The following MTUS2 variants were observed in gnomAD, a reference collection of about 807,000 sequenced individuals.
The protein encoded by MTUS2 is microtubule associated scaffold protein 2.
In MTUS2, 40 loss-of-function variants were observed where a neutral mutation model predicts 114.1. The ratio of observed to expected loss-of-function variants is 0.35; its 90% CI spans 0.27 to 0.46. The LOEUF (loss-of-function observed/expected upper bound fraction) is 0.46, where lower values mean the gene tolerates loss of function less well. Ranked by LOEUF, MTUS2 falls within the 20% of genes least tolerant of loss-of-function variation. MTUS2 has a pLI of 1.00. For synonymous variants in MTUS2, 688 were observed against 672.0 expected, an observed-to-expected ratio of 1.02 and a Z score of -0.37; for missense variants, 1,679 against 1,705.4, an observed-to-expected ratio of 0.98 and a Z score of 0.27.
chr13:29,399,497 A>C (rs1354930026), intron 8 of MTUS2, among the ~76,000 whole-genome samples: 1 of 152,206 alleles, frequency 6.6e-6, no homozygotes, highest in Non-Finnish European at 1.5e-5. Context: ...AAAGATTATC[A>C]AAAATTATCA....
At chr13:29,105,600 G>T (rs1371517304) in intron 5 of MTUS2, among the ~76,000 whole-genome samples, 1 of 150,984 alleles carries the variant, frequency 6.6e-6, no homozygotes, top group Non-Finnish European at 1.5e-5. Flanking sequence ...AAATCATGGG[G>T]CAAAGAATTT....
intron 12 of MTUS2, among the ~76,000 whole-genome samples, chr13:29,495,666 T>G (rs1045398758): frequency 2.6e-5 from 4 of 151,792 alleles, no homozygotes; most frequent in Non-Finnish European, 4.4e-5. Flanking sequence ...AGGTCAGGAG[T>G]TCGAGACCAG....
intron 1 of MTUS2, among the ~76,000 whole-genome samples, chr13:28,835,935 A>G (rs538252587): frequency 6.6e-6 from 1 of 151,980 alleles, no homozygotes; most frequent in South Asian, 2.1e-4. Flanking sequence ...GCTGTTCAGC[A>G]CTGCAGTAGT....
intron 7 of MTUS2, among the ~76,000 whole-genome samples, chr13:29,327,403 T>C (rs1204865853): frequency 6.6e-6 from 1 of 152,152 alleles, no homozygotes; most frequent in Non-Finnish European, 1.5e-5. Context: ...CCTACCATTC[T>C]ACACCCCCAC....
intron 5 of MTUS2, among the ~76,000 whole-genome samples, chr13:29,169,394 A>G (rs947233726): frequency 5.9e-5 from 9 of 152,194 alleles, no homozygotes; most frequent in Admixed American, 5.9e-4. Context: ...TGTTTGGAAG[A>G]GAAAATGGTT....
At chr13:29,345,360 T>C (rs1247655789) in intron 7 of MTUS2, among the ~76,000 whole-genome samples, 4 of 152,004 alleles carry the variant, frequency 2.6e-5, no homozygotes, top group Non-Finnish European at 5.9e-5. Context: ...TTTTTAAAAT[T>C]CTTTTTTCTT....
intron 8 of MTUS2, among the ~76,000 whole-genome samples, chr13:29,383,102 T>A (rs1468371368): frequency 6.6e-6 from 1 of 152,104 alleles, no homozygotes; most frequent in Non-Finnish European, 1.5e-5. Flanking sequence ...ATGTATTTAA[T>A]GATGGATATA....
At chr13:28,931,950 A>T (rs1261329744) in intron 2 of MTUS2, among the ~76,000 whole-genome samples, 1 of 152,022 alleles carries the variant, frequency 6.6e-6, no homozygotes, top group Non-Finnish European at 1.5e-5. Flanking sequence ...ACATCTTCCC[A>T]TATATTTTAA....
At chr13:29,179,435 G>A (rs1260684331) in intron 5 of MTUS2, among the ~76,000 whole-genome samples, 1 of 152,144 alleles carries the variant, frequency 6.6e-6, no homozygotes, top group African/African-American at 2.4e-5. Context: ...AAGAGGTTTC[G>A]AGGACAATGC....
chr13:29,223,000 G>C (rs372765422), intron 5 of MTUS2, among the ~76,000 whole-genome samples: 1 of 152,166 alleles, frequency 6.6e-6, no homozygotes, highest in African/African-American at 2.4e-5. Context: ...GGGTGGCTCA[G>C]TGTGGGCCCA....
chr13:28,947,009 C>G (rs1882566880), intron 2 of MTUS2, among the ~76,000 whole-genome samples: 1 of 152,126 alleles, frequency 6.6e-6, no homozygotes, highest in Non-Finnish European at 1.5e-5. Flanking sequence ...TCACATTAGC[C>G]ACAGTTTACA....
chr13:28,838,931 A>G (rs537059371), intron 1 of MTUS2, among the ~76,000 whole-genome samples: 11 of 152,310 alleles, frequency 7.2e-5, no homozygotes, highest in Admixed American at 5.9e-4. Context: ...GCTCAGAAAA[A>G]TGATGTATGT....
intron 3 of MTUS2, 84 bp from the exon 4 acceptor site, chr13:29,033,801 G>T: frequency 6.5e-7 from 1 of 1,540,118 alleles, no homozygotes; most frequent in Non-Finnish European, 8.8e-7. Flanking sequence ...GTGGTCATTG[G>T]TTCAGCCTCG....
intron 5 of MTUS2, among the ~76,000 whole-genome samples, chr13:29,183,807 A>G (rs1279790557): frequency 1.3e-5 from 2 of 152,184 alleles, no homozygotes; most frequent in Non-Finnish European, 2.9e-5. Context: ...CTTAAAAATA[A>G]TGTTATTTAG....
chr13:29,454,568 T>C (rs1029856711), intron 9 of MTUS2, among the ~76,000 whole-genome samples: 3 of 152,142 alleles, frequency 2.0e-5, no homozygotes, highest in South Asian at 4.2e-4. Flanking sequence ...TCTAGGAGTT[T>C]AGAGGAGGGT....
intron 2 of MTUS2, among the ~76,000 whole-genome samples, chr13:28,843,435 G>T (rs766952841): frequency 6.6e-6 from 1 of 152,050 alleles, no homozygotes; most frequent in Admixed American, 6.6e-5. Context: ...TTTGAGGCAG[G>T]GTAAGGTTAA....
intron 8 of MTUS2, among the ~76,000 whole-genome samples, chr13:29,436,875 C>T (rs776730973): frequency 1.3e-5 from 2 of 150,546 alleles, no homozygotes; most frequent in Non-Finnish European, 2.9e-5. Context: ...TTGTGTTTCT[C>T]CTAAAGCAAC....
intron 2 of MTUS2, among the ~76,000 whole-genome samples, chr13:28,947,546 CA>C (rs149653177): frequency 1.8e-4 from 27 of 149,002 alleles, no homozygotes; most frequent in African/African-American, 6.2e-4. Context: ...TCGGCTTTTG[CA>C]AAAAAAAATG....
At chr13:29,308,300 T>TG (rs1899577761) in intron 6 of MTUS2, among the ~76,000 whole-genome samples, 1 of 152,146 alleles carries the variant, frequency 6.6e-6, no homozygotes, top group Non-Finnish European at 1.5e-5. Context: ...AAGTAAGCAA[T>TG]GGGGAAAGGA....
Sources: allele counts gnomAD v4.1 joint callset (sites outside exome capture counted in the v4.1 genomes callset), GRCh38; gene constraint gnomAD v4.1.1; transcripts MANE v1.5; gene names NCBI Gene and HGNC (gene_info 2026-07-23, HGNC 2026-07-21).